Variants in SNX18 observed in about 807,000 individuals in gnomAD.
The protein encoded by SNX18 is sorting nexin-18.
A neutral mutation model predicts 48.7 loss-of-function variants in SNX18; 35 were observed. The ratio of observed to expected loss-of-function variants is 0.72; its 90% CI spans 0.55 to 0.95. The LOEUF is 0.95. Among genes scored for constraint, SNX18 ranks in the 40% least tolerant of loss-of-function variants. The probability of loss-of-function intolerance (pLI) is 0.00; values close to 1 mark genes in which losing one functional copy is unlikely to be tolerated. For missense variants in SNX18, 824 were observed against 871.0 expected, an observed-to-expected ratio of 0.95 and a Z score of 0.68; for synonymous variants, 492 against 384.7, an observed-to-expected ratio of 1.28 and a Z score of -3.26.
chr5:54,629,652 A>G, the SNX18 span, among the ~76,000 whole-genome samples: 1 of 152,222 alleles, frequency 6.6e-6, no homozygotes, highest in Non-Finnish European at 1.5e-5. Flanking sequence ...TACTGAAGCC[A>G]ACGAATAATT....
At chr5:54,634,966 T>G in the SNX18 span, among the ~76,000 whole-genome samples, 4 of 152,132 alleles carry the variant, frequency 2.6e-5, no homozygotes, top group Non-Finnish European at 5.9e-5. Context: ...TACAAGCTAT[T>G]GAACTTACAA....
chr5:54,518,317 C>T lies in SNX18; in HGVS notation c.365C>T (p.Pro122Leu), dbSNP rs565288645. The T allele has an allele frequency of 1.7e-4, 268 of 1,537,498 alleles. No homozygotes were observed. Among genetic ancestry groups the T allele is most frequent in the South Asian group, 6.5e-4 (54 of 82,890 alleles). The change falls in exon 1 of 2, where the codon CCC becomes CTC. Residue 122 changes from proline to leucine, a missense_variant. Physicochemically the swap from Pro to Leu is moderately conservative, Grantham distance 98. Transcript: ENST00000381410. The part of the protein sequence containing the change: ...QAPPPSTFQP[P>L]GAGFPYGGGA... ...CCGCCTCCGAGCACCTTCCAGCCGCCCGGCGCGGGCTTCCCGTACGGCGGG... is the reference window on the plus strand; with the variant it reads ...CCGCCTCCGAGCACCTTCCAGCCGCTCGGCGCGGGCTTCCCGTACGGCGGG...
chr5:54,631,944 T>C, the SNX18 span, among the ~76,000 whole-genome samples: 9 of 152,308 alleles, frequency 5.9e-5, no homozygotes, highest in Admixed American at 2.6e-4. Context: ...ACACTAAACA[T>C]TGACTTTCTT....
In SNX18 at chr5:54,544,263, T is replaced by C. The variant is rs1762529349; in HGVS notation, c.*831T>C. On this transcript the variant is annotated 3_prime_UTR_variant, in exon 2 of 2. Transcript: ENST00000381410. ...CGTGAAGATTTCAGCAAACATGTCT[T>C]ACAACATGAGGAGGAGGAGTCTAAA... is the stretch of plus-strand genomic sequence containing the variant. 6.6e-6 allele frequency: 1 copy of C among 152,158 alleles called. No homozygotes were observed. Among genetic ancestry groups the C allele is most frequent in the African/African-American group, 2.4e-5 (1 of 41,428 alleles). The allele number at this position is 152,158 out of a possible 1,614,324, so 9.4% of individuals were successfully genotyped here. A position where few individuals can be genotyped will look rare whatever the true frequency, so the allele number is the denominator to read the frequency against.
At chr5:54,612,182 T>C in the SNX18 span, among the ~76,000 whole-genome samples, 1 of 152,218 alleles carries the variant, frequency 6.6e-6, no homozygotes, top group African/African-American at 2.4e-5. Context: ...ATAAGGACCA[T>C]TCAAGTTATT....
chr5:54,623,134 G>T, the SNX18 span, among the ~76,000 whole-genome samples: 26 of 152,154 alleles, frequency 1.7e-4, no homozygotes, highest in Non-Finnish European at 3.1e-4. Context: ...CTGCTTACGT[G>T]AGAACTGGAG....
At chr5:54,598,823 A>G in the SNX18 span, among the ~76,000 whole-genome samples, 1,354 of 152,316 alleles carry the variant, frequency 8.9e-3, 11 homozygotes, top group African/African-American at 0.03. Context: ...AAACTGGCAC[A>G]AGATATGGAT....
the SNX18 span, among the ~76,000 whole-genome samples, chr5:54,609,634 C>T: frequency 1.3e-5 from 2 of 152,008 alleles, no homozygotes; most frequent in African/African-American, 4.8e-5. Flanking sequence ...TTTGTCCCAC[C>T]CTGCAAAAGG....
downstream of SNX18, chr5:54,546,721 A>G (rs1415181646): frequency 6.6e-6 from 1 of 152,228 alleles, no homozygotes; most frequent in Non-Finnish European, 1.5e-5. Flanking sequence ...ATTATTCATC[A>G]AACACTGTAG....
the SNX18 span, among the ~76,000 whole-genome samples, chr5:54,569,394 C>G: frequency 6.6e-6 from 1 of 152,108 alleles, no homozygotes; most frequent in Non-Finnish European, 1.5e-5. Context: ...CCACACAAAA[C>G]CAACCTAAAA....
At chr5:54,638,859 C>T in the SNX18 span, among the ~76,000 whole-genome samples, 3 of 152,120 alleles carry the variant, frequency 2.0e-5, no homozygotes, top group African/African-American at 4.8e-5. Flanking sequence ...CTCCAGGGCC[C>T]GACCTCAAGA....
Position 54,517,770 on chromosome 5 carries a change from C to T in SNX18, c.-183C>T, listed in dbSNP as rs1017685434. 41 of 444,582 alleles carry T rather than the reference C, an allele frequency of 9.2e-5. No homozygotes were observed. The highest frequency in any genetic ancestry group is 6.7e-4 in the Middle Eastern group (1 of 1,498). The allele number at this position is 444,582 out of a possible 1,614,324, so 27.5% of individuals were successfully genotyped here. A position where few individuals can be genotyped will look rare whatever the true frequency, so the allele number is the denominator to read the frequency against. ...CGGCCCAGCGCGGCAGTCGGCGCTG[C>T]GAAGTGGAGGCGCTGCGAGCGGAGC... On this transcript the variant is annotated 5_prime_UTR_variant, in exon 1 of 2. Coordinates refer to ENST00000381410, the MANE Select transcript of SNX18 (RefSeq NM_001102575.2).
At chr5:54,601,504 C>G in the SNX18 span, among the ~76,000 whole-genome samples, 1 of 152,238 alleles carries the variant, frequency 6.6e-6, no homozygotes, top group African/African-American at 2.4e-5. Flanking sequence ...GAATTTCTGT[C>G]CCATGATTAG....
chr5:54,605,681 G>T, the SNX18 span, among the ~76,000 whole-genome samples: 2 of 151,686 alleles, frequency 1.3e-5, no homozygotes, highest in Non-Finnish European at 2.9e-5. Flanking sequence ...TATTTTTGAG[G>T]CAGGGTCTTG....
chr5:54,542,470 G>A (rs998815300), intron 1 of SNX18, among the ~76,000 whole-genome samples: 4 of 152,224 alleles, frequency 2.6e-5, no homozygotes, highest in Non-Finnish European at 5.9e-5. Context: ...CCGATGCAAC[G>A]TGAAGTCAGA....
At chr5:54,602,257 G>C in the SNX18 span, among the ~76,000 whole-genome samples, 4 of 152,162 alleles carry the variant, frequency 2.6e-5, no homozygotes. Context: ...AATCACACAG[G>C]CCGCATAATA....
the SNX18 span, among the ~76,000 whole-genome samples, chr5:54,631,200 G>A: frequency 6.6e-6 from 1 of 152,120 alleles, no homozygotes; most frequent in African/African-American, 2.4e-5. Flanking sequence ...AAAACTAACA[G>A]CCGGACTTCT....
chr5:54,597,083 G>C, the SNX18 span, among the ~76,000 whole-genome samples: 2 of 152,124 alleles, frequency 1.3e-5, no homozygotes, highest in African/African-American at 4.8e-5. Context: ...ATGGGAAACA[G>C]CAAAAAGCAG....
the SNX18 span, among the ~76,000 whole-genome samples, chr5:54,572,563 G>T: frequency 4.3e-3 from 649 of 151,798 alleles, 4 homozygotes; most frequent in African/African-American, 0.014. Context: ...GCAGCCTCGG[G>T]CATAGCTCAA....
Sources: gnomAD v4.1 joint callset for allele counts (sites outside exome capture counted in the v4.1 genomes callset) on GRCh38, gnomAD v4.1.1 for gene constraint, MANE v1.5 for transcripts, NCBI Gene and HGNC (gene_info 2026-07-23, HGNC 2026-07-21) for gene names.